PARD3B: variants seen among roughly 807,000 people sequenced by gnomAD.
PARD3B encodes the protein par-3 family cell polarity regulator beta.
In PARD3B, 103 loss-of-function variants were observed where a neutral mutation model predicts 130.2. The observed-to-expected ratio is 0.79, with a 90% CI of 0.67 to 0.93. The LOEUF (loss-of-function observed/expected upper bound fraction) is 0.93, where lower values mean the gene tolerates loss of function less well. Ranked by LOEUF, PARD3B falls within the 40% of genes least tolerant of loss-of-function variation. The pLI, the probability that PARD3B is intolerant of heterozygous loss-of-function variation, is 0.00. For synonymous variants in PARD3B, 583 were observed against 553.2 expected, an observed-to-expected ratio of 1.05 and a Z score of -0.76; for missense variants, 1,609 against 1,499.2, an observed-to-expected ratio of 1.07 and a Z score of -1.21.
chr2:204,593,245 T>C (rs967740577), intron 1 of PARD3B, among the ~76,000 whole-genome samples: 4 of 152,160 alleles, frequency 2.6e-5, no homozygotes, highest in African/African-American at 7.2e-5. Context: ...TCAAACACCA[T>C]AGACCTCTAG....
intron 18 of PARD3B, among the ~76,000 whole-genome samples, chr2:205,369,722 G>A (rs7602958): frequency 0.053 from 8,037 of 152,140 alleles, 661 homozygotes; most frequent in African/African-American, 0.18. Context: ...GATAATCACA[G>A]TGTAATTACT....
intron 2 of PARD3B, among the ~76,000 whole-genome samples, chr2:204,794,331 A>G (rs1470574874): frequency 6.6e-6 from 1 of 152,228 alleles, no homozygotes; most frequent in Admixed American, 6.5e-5. Flanking sequence ...TTTGATATTT[A>G]TAATACATTA....
intron 4 of PARD3B, among the ~76,000 whole-genome samples, chr2:205,051,654 G>A (rs1188780946): frequency 1.3e-5 from 2 of 152,158 alleles, no homozygotes; most frequent in African/African-American, 4.8e-5. Context: ...TTCAAAAGTT[G>A]CAAAAGTTAC....
chr2:204,558,300 T>C (rs1409198806), intron 1 of PARD3B: 1 of 152,154 alleles, frequency 6.6e-6, no homozygotes, highest in African/African-American at 2.4e-5. Context: ...GAAAACCCCA[T>C]TGTCTCAGCT....
chr2:205,038,760 C>G (rs912374747), intron 3 of PARD3B, among the ~76,000 whole-genome samples: 13 of 152,286 alleles, frequency 8.5e-5, no homozygotes, highest in African/African-American at 3.1e-4. Context: ...ATTTGTCCAT[C>G]ATGTGTTGAA....
rs574750236 is a variant in PARD3B at position 204,641,964 on chromosome 2, G to A, written c.121-44217G>A. Among the ~76,000 whole-genome samples, 7 of 152,152 alleles carry A rather than the reference G, an allele frequency of 4.6e-5. No individual in the cohort carries two copies. The East Asian group carries it at 1.4e-3, about 29-fold the overall frequency. Reference sequence around the variant, plus strand: ...AAAAAGCCTTATGTTATTCTATTTAGAAATATTGAAAGGGAAGAAGGAATA... The same window carrying A: ...AAAAAGCCTTATGTTATTCTATTTAAAAATATTGAAAGGGAAGAAGGAATA... On this transcript the variant is annotated intron_variant, in intron 1 of 22. Coordinates refer to ENST00000406610, the MANE Select transcript of PARD3B (RefSeq NM_001302769.2).
At chr2:205,022,554 T>A (rs1243637254) in intron 3 of PARD3B, among the ~76,000 whole-genome samples, 1 of 152,214 alleles carries the variant, frequency 6.6e-6, no homozygotes, top group Admixed American at 6.6e-5. Flanking sequence ...ACGTTTCTTT[T>A]TCAGATTTTA....
At chr2:205,081,255 A>C (rs1395994251) in intron 4 of PARD3B, among the ~76,000 whole-genome samples, 1 of 151,838 alleles carries the variant, frequency 6.6e-6, no homozygotes, top group Non-Finnish European at 1.5e-5. Context: ...TTTGTCATTT[A>C]TTTTAAAATC....
At chr2:205,332,227 C>T (rs74526615) in intron 18 of PARD3B, among the ~76,000 whole-genome samples, 4,646 of 152,298 alleles carry the variant, frequency 0.031, 204 homozygotes, top group African/African-American at 0.1. Context: ...CCTTTTCTCA[C>T]ATCATCTTTG....
intron 1 of PARD3B, among the ~76,000 whole-genome samples, chr2:204,672,736 T>G (rs558411407): frequency 1.3e-5 from 2 of 152,296 alleles, no homozygotes; most frequent in African/African-American, 4.8e-5. Context: ...TTTCTGGGCC[T>G]TTTGCTCACT....
chr2:205,475,272 C>T (rs1279716708), intron 20 of PARD3B, among the ~76,000 whole-genome samples: 4 of 152,012 alleles, frequency 2.6e-5, no homozygotes, highest in African/African-American at 4.8e-5. Context: ...GCTATGACAA[C>T]CCAGGCCCCG....
chr2:204,923,698 A>G (rs1304196124), intron 2 of PARD3B, among the ~76,000 whole-genome samples: 1 of 152,026 alleles, frequency 6.6e-6, no homozygotes, highest in Non-Finnish European at 1.5e-5. Context: ...CAATTAAATA[A>G]TTTTTTACCT....
intron 16 of PARD3B, among the ~76,000 whole-genome samples, chr2:205,299,565 A>ATATATAT (rs2041918777): frequency 3.6e-4 from 2 of 5,482 alleles, no homozygotes; most frequent in Admixed American, 7.4e-3. Flanking sequence ...TATATATTAT[A>ATATATAT]TATATATATA....
intron 18 of PARD3B, among the ~76,000 whole-genome samples, chr2:205,354,123 C>T (rs1181557087): frequency 7.4e-5 from 11 of 149,234 alleles, no homozygotes; most frequent in South Asian, 6.4e-4. Context: ...ACTGCAGCCT[C>T]GACCTCCTGG....
intron 2 of PARD3B, among the ~76,000 whole-genome samples, chr2:204,892,527 A>G (rs1347271168): frequency 1.3e-5 from 2 of 152,244 alleles, no homozygotes; most frequent in Non-Finnish European, 2.9e-5. Context: ...TGTAAAACAC[A>G]CATGGATTTT....
rs770309576 is a variant in PARD3B, at chr2:205,119,026, C to T, written c.786C>T (p.Leu262=). ...TTGTAAAAATCAACAATGTGGATCT[C>T]GTAGACAAAACCTTTGCTCAGTAAG... is the stretch of plus-strand genomic sequence containing the variant. The part of the protein sequence containing the change: ...ECIVKINNVD[L]VDKTFAQAQD... The change falls in exon 7 of 23, where the codon CTC becomes CTT. Residue 262 remains leucine, a synonymous_variant. Transcript: ENST00000406610. The T allele has an allele frequency of 9.4e-6, 15 of 1,603,810 alleles. No homozygotes were observed. In the South Asian group the frequency reaches 1.2e-4, roughly 13 times the overall value.
chr2:205,281,670 A>G lies in PARD3B; in HGVS notation c.2186-18860A>G, dbSNP rs1012721393. Reference sequence around the variant, plus strand: ...CAGTACTTTACTTTTCTAAGACACTATATAACCTGCACTCGGAAGGCAGGC... The same window carrying G: ...CAGTACTTTACTTTTCTAAGACACTGTATAACCTGCACTCGGAAGGCAGGC... On this transcript the variant is annotated intron_variant, in intron 16 of 22. Transcript: ENST00000406610. This position sits in a 1 kb window ranked among gnomAD's most constrained non-coding sequence, Gnocchi z 4.2. 2.6e-5 allele frequency among the ~76,000 whole-genome samples: 4 copies of G among 152,202 alleles called. No homozygotes were observed. The highest frequency in any genetic ancestry group is 5.9e-5 in the Non-Finnish European group (4 of 68,036).
intron 18 of PARD3B, among the ~76,000 whole-genome samples, chr2:205,389,866 G>C (rs1489060137): frequency 1.3e-5 from 2 of 152,082 alleles, no homozygotes; most frequent in Non-Finnish European, 2.9e-5. Flanking sequence ...TTTAAAGATG[G>C]CTTTGGGTTT....
intron 2 of PARD3B, among the ~76,000 whole-genome samples, chr2:204,771,993 C>T (rs2041407613): frequency 6.6e-6 from 1 of 151,984 alleles, no homozygotes; most frequent in African/African-American, 2.4e-5. Context: ...GTTTCAAATC[C>T]TAAGGCTTCC....
Sources: gnomAD v4.1 joint callset for allele counts (sites outside exome capture counted in the v4.1 genomes callset) on GRCh38, gnomAD v4.1.1 for gene constraint, Gnocchi (gnomAD v3.1) non-coding constraint, MANE v1.5 for transcripts, NCBI Gene and HGNC (gene_info 2026-07-23, HGNC 2026-07-21) for gene names.